The following PRSS3 variants were observed in gnomAD, a reference collection of about 807,000 sequenced individuals.
The protein encoded by PRSS3 is serine protease 3, also known as trypsin-3.
Under a neutral mutation model 20.8 loss-of-function variants are expected in PRSS3, and 14 were observed. That is an observed-to-expected ratio of 0.67 (90% confidence interval 0.44 to 1.05). The LOEUF (loss-of-function observed/expected upper bound fraction) is 1.05. Ranked by LOEUF, PRSS3 falls within the 50% of genes least tolerant of loss-of-function variation. The probability of loss-of-function intolerance (pLI) is 0.00; values close to 1 mark genes in which losing one functional copy is unlikely to be tolerated. For missense variants in PRSS3, 237 were observed against 306.4 expected, an observed-to-expected ratio of 0.77 and a Z score of 1.69; for synonymous variants, 91 against 117.6, an observed-to-expected ratio of 0.77 and a Z score of 1.46.
chr9:33,788,055 A>C (rs754446286), intron 1 of PRSS3, among the ~76,000 whole-genome samples: 2 of 152,200 alleles, frequency 1.3e-5, no homozygotes, highest in Non-Finnish European at 2.9e-5. Flanking sequence ...TTTATATCAC[A>C]GAGCAACTTG....
Position 33,752,319 on chromosome 9 carries a change from T to C in PRSS3, c.-53+1592T>C, listed in dbSNP as rs143998214. On this transcript the variant is annotated intron_variant, in intron 1 of 5. Transcript: ENST00000342836. ...TCAGTTAAACATCAGCTGCTATACT[T>C]AGCTGTTCAAAGTACAGATGTTAAC... Among the ~76,000 whole-genome samples, 1,427 of 152,346 alleles carry C rather than the reference T, an allele frequency of 9.4e-3. 49 individuals carry two copies. The highest frequency in any genetic ancestry group is 0.065 in the Admixed American group (1,002 of 15,298).
chr9:33,755,985 T>G (rs780142192), intron 1 of PRSS3, among the ~76,000 whole-genome samples: 1 of 152,226 alleles, frequency 6.6e-6, no homozygotes, highest in Non-Finnish European at 1.5e-5. Flanking sequence ...GGCCATCTCT[T>G]GTGGAATACA....
chr9:33,768,636 C>A, intron 1 of PRSS3, among the ~76,000 whole-genome samples: 1 of 150,082 alleles, frequency 6.7e-6, no homozygotes, highest in East Asian at 2.0e-4. Flanking sequence ...ACAGGTGGAT[C>A]ACCTGAGGTC....
At position 33,779,768 on chromosome 9, in the gene PRSS3, C is replaced by T. The variant is rs540531300; in HGVS notation, c.-52-14978C>T. Among the ~76,000 whole-genome samples the T allele has an allele frequency of 1.2e-3, 168 of 141,796 alleles. 1 individual carries two copies. Among genetic ancestry groups the T allele is most frequent in the Middle Eastern group, 3.9e-3 (1 of 258 alleles). 93.0% of individuals were successfully genotyped at this position (141,796 alleles called of 152,430 possible). ...CCTATAATCCCAGCTACTCGGGAGG[C>T]TGAGGCAGGAGAATGGCGTGAACCT... is the stretch of plus-strand genomic sequence containing the variant. On this transcript the variant is annotated intron_variant, in intron 1 of 5. Transcript: ENST00000342836.
At chr9:33,751,610 G>T (rs1273909588) in intron 1 of PRSS3, among the ~76,000 whole-genome samples, 3 of 152,206 alleles carry the variant, frequency 2.0e-5, no homozygotes, top group African/African-American at 7.2e-5. Context: ...GCTTTCTGCC[G>T]TGTCTGCCGT....
chr9:33,771,466 C>T (rs571958168), intron 1 of PRSS3, among the ~76,000 whole-genome samples: 46 of 151,836 alleles, frequency 3.0e-4, no homozygotes, highest in African/African-American at 1.0e-3. Context: ...GCTGGGATTA[C>T]AGGTGCCCAC....
chr9:33,786,533 G>C, intron 1 of PRSS3: 1 of 764,666 alleles, frequency 1.3e-6, no homozygotes, highest in African/African-American at 1.7e-5. Flanking sequence ...ACTAGGCTCT[G>C]TGTTCAGTGC....
chr9:33,775,292 G>A (rs1823873131), intron 1 of PRSS3, among the ~76,000 whole-genome samples: 1 of 152,122 alleles, frequency 6.6e-6, no homozygotes, highest in Non-Finnish European at 1.5e-5. Context: ...AAGTAAGATG[G>A]GGCTGACCAT....
Position 33,795,635 on chromosome 9 carries a change from A to T in PRSS3, c.40+22A>T, listed in dbSNP as rs770534719. The T allele has an allele frequency of 1.5e-5, 25 of 1,613,164 alleles. No individual in the cohort carries two copies. In the South Asian group the frequency reaches 1.8e-4, roughly 11 times the overall value. On this transcript the variant is annotated intron_variant, in intron 1 of 4. Transcript: ENST00000379405. Reference sequence around the variant, plus strand: ...GCTGGCGAGTTTCATGACCTGCCTCAGGCCCCACCCACCCCCTTTCCTGGC... The same window carrying T: ...GCTGGCGAGTTTCATGACCTGCCTCTGGCCCCACCCACCCCCTTTCCTGGC...
At chr9:33,760,520 G>A (rs924331017) in intron 1 of PRSS3, among the ~76,000 whole-genome samples, 1 of 152,062 alleles carries the variant, frequency 6.6e-6, no homozygotes, top group African/African-American at 2.4e-5. Context: ...GCCGACGCTG[G>A]TGGATCATGA....
At chr9:33,768,953 G>T (rs1325318048) in intron 1 of PRSS3, among the ~76,000 whole-genome samples, 2 of 152,198 alleles carry the variant, frequency 1.3e-5, no homozygotes. Flanking sequence ...AAATATGAAT[G>T]TTAAAGGTAC....
At chr9:33,781,532 A>T (rs973421016) in intron 1 of PRSS3, among the ~76,000 whole-genome samples, 1 of 152,168 alleles carries the variant, frequency 6.6e-6, no homozygotes, top group Non-Finnish European at 1.5e-5. Flanking sequence ...ACTTGAGGGG[A>T]AGAGAGAGGG....
rs1312961668 is a variant in PRSS3 at position 33,763,912 on chromosome 9, CT to C, written c.-53+13186del. Among the ~76,000 whole-genome samples, 4 of 152,258 alleles carry C rather than the reference CT, an allele frequency of 2.6e-5. No individual in the cohort carries two copies. The East Asian group carries it at 7.7e-4, about 29-fold the overall frequency. ...CATGACACTACCCTCTATAATCTTTCTCCTATTTCCTCCAGGCTGAGTAAGA... is the reference window on the plus strand; with the variant it reads ...CATGACACTACCCTCTATAATCTTTCCCTATTTCCTCCAGGCTGAGTAAGA... On this transcript the variant is annotated intron_variant, in intron 1 of 5. Coordinates refer to the PRSS3 transcript ENST00000342836.
chr9:33,764,962 C>A (rs1823352879), intron 1 of PRSS3, among the ~76,000 whole-genome samples: 1 of 152,172 alleles, frequency 6.6e-6, no homozygotes, highest in Admixed American at 6.5e-5. Context: ...ACTTCATACC[C>A]ACTAGAATGG....
chr9:33,756,167 T>C (rs1822937158), intron 1 of PRSS3, among the ~76,000 whole-genome samples: 2 of 152,204 alleles, frequency 1.3e-5, no homozygotes, highest in African/African-American at 4.8e-5. Context: ...CTGGTTTGGC[T>C]GGGTATGGGA....
chr9:33,787,326 A>G (rs574585804), intron 1 of PRSS3, among the ~76,000 whole-genome samples: 1 of 152,220 alleles, frequency 6.6e-6, no homozygotes, highest in Admixed American at 6.5e-5. Context: ...TAGATGCCTC[A>G]GTATGACAAT....
intron 1 of PRSS3, among the ~76,000 whole-genome samples, chr9:33,772,268 A>G (rs1038755800): frequency 5.3e-5 from 8 of 152,220 alleles, no homozygotes; most frequent in African/African-American, 1.9e-4. Flanking sequence ...TTCTCCCTTC[A>G]GGACTTAAAG....
intron 1 of PRSS3, among the ~76,000 whole-genome samples, chr9:33,757,334 C>G (rs1822994574): frequency 6.6e-6 from 1 of 152,150 alleles, no homozygotes. Flanking sequence ...TGCAAAATAT[C>G]GATTATATTG....
At chr9:33,771,331 G>A (rs753342741) in intron 1 of PRSS3, among the ~76,000 whole-genome samples, 10 of 146,572 alleles carry the variant, frequency 6.8e-5, no homozygotes, top group Non-Finnish European at 1.3e-4. Flanking sequence ...TTTTTTTTAT[G>A]TTTTGAGATG....
Sources: allele counts gnomAD v4.1 joint callset (sites outside exome capture counted in the v4.1 genomes callset), GRCh38; gene constraint gnomAD v4.1.1; transcripts MANE v1.5; gene names NCBI Gene and HGNC (gene_info 2026-07-23, HGNC 2026-07-21).